ZNF362: variants seen among roughly 807,000 people sequenced by gnomAD.
The protein encoded by ZNF362 is rotund homolog.
In ZNF362, 11 loss-of-function variants were observed where a neutral mutation model predicts 42.9. That is an observed-to-expected ratio of 0.26 (90% confidence interval 0.16 to 0.42). The LOEUF (loss-of-function observed/expected upper bound fraction) is 0.42, where lower values mean the gene tolerates loss of function less well. Among genes scored for constraint, ZNF362 ranks in the 20% least tolerant of loss-of-function variants. The pLI is 1.00. For missense variants in ZNF362, 362 were observed against 576.2 expected (o/e 0.63, Z 3.81); for synonymous variants, 255 against 257.3 (o/e 0.99, Z 0.09).
rs1231368195 is a variant in ZNF362 at position 33,299,659 on chromosome 1, G to C, written c.*613G>C. On this transcript the variant is annotated 3_prime_UTR_variant, in exon 9 of 9. Coordinates refer to ENST00000539719, the MANE Select transcript of ZNF362 (RefSeq NM_152493.3). ...CATCACTGAGCAGAGGGGTGCGGCA[G>C]CTTCAGGAGGCAGAAACGAGAGGGG... The C allele has an allele frequency of 6.5e-6, 1 of 152,870 alleles. No homozygotes were observed. The highest frequency in any genetic ancestry group is 1.5e-5 in the Non-Finnish European group (1 of 68,260). The allele number at this position is 152,870 out of a possible 1,614,324, so 9.5% of individuals were successfully genotyped here.
rs369196006 is a variant in ZNF362 at position 33,281,844 on chromosome 1, C to G, written c.908+33C>G. The G allele has an allele frequency of 3.7e-6, 6 of 1,604,568 alleles. No individual in the cohort carries two copies. The highest frequency in any genetic ancestry group is 5.1e-6 in the Non-Finnish European group (6 of 1,172,326). On this transcript the variant is annotated intron_variant, in intron 6 of 8. Transcript: ENST00000539719. This position sits in a 1 kb window ranked among gnomAD's most constrained non-coding sequence, Gnocchi z 4.8. ...GCCTGCCTGCTGCCCTGCTGCAGCC[C>G]GACTCAGCTCAGCACCCGTGGCCTG...
chr1:33,238,046 C>G, the ZNF362 span, among the ~76,000 whole-genome samples: 1 of 152,142 alleles, frequency 6.6e-6, no homozygotes, highest in Admixed American at 6.5e-5. Flanking sequence ...TGACTGGGTG[C>G]AGTGGCTCAC....
the ZNF362 span, among the ~76,000 whole-genome samples, chr1:33,186,160 AC>A: frequency 3.9e-5 from 6 of 152,118 alleles, no homozygotes; most frequent in Non-Finnish European, 8.8e-5. Context: ...ATCTTGACTT[AC>A]CCACACATAT....
At chr1:33,246,950 A>T in the ZNF362 span, among the ~76,000 whole-genome samples, 21 of 152,194 alleles carry the variant, frequency 1.4e-4, no homozygotes, top group African/African-American at 4.8e-4. Flanking sequence ...TTGGTGCTCT[A>T]TGTTCCTTAC....
At chr1:33,175,121 C>A in the ZNF362 span, among the ~76,000 whole-genome samples, 1 of 151,828 alleles carries the variant, frequency 6.6e-6, no homozygotes, top group East Asian at 1.9e-4. Context: ...CTCACTGCAA[C>A]CTCTGCCTCC....
chr1:33,225,233 A>G, the ZNF362 span, among the ~76,000 whole-genome samples: 2 of 152,118 alleles, frequency 1.3e-5, no homozygotes, highest in African/African-American at 2.4e-5. Flanking sequence ...CACCATTCCA[A>G]TGAGGCCTAC....
intron 1 of ZNF362, among the ~76,000 whole-genome samples, chr1:33,268,886 A>G (rs1645882209): frequency 6.6e-6 from 1 of 152,186 alleles, no homozygotes; most frequent in Non-Finnish European, 1.5e-5. Context: ...TTATTTTATT[A>G]AAATCACAGT....
chr1:33,181,473 G>C, the ZNF362 span: 1 of 1,540,546 alleles, frequency 6.5e-7, no homozygotes, highest in Non-Finnish European at 8.7e-7. The surrounding 1 kb of genome is among the most constrained non-coding windows in gnomAD (Gnocchi z 6.5). Flanking sequence ...AGGGGCAGGG[G>C]GGCGGCTGAG....
At chr1:33,222,027 G>C in the ZNF362 span, among the ~76,000 whole-genome samples, 1 of 152,178 alleles carries the variant, frequency 6.6e-6, no homozygotes, top group Non-Finnish European at 1.5e-5. Flanking sequence ...GGTAGTATGT[G>C]TGTTCTGAGG....
chr1:33,239,589 G>T, the ZNF362 span, among the ~76,000 whole-genome samples: 1 of 152,160 alleles, frequency 6.6e-6, no homozygotes, highest in Admixed American at 6.5e-5. Context: ...GGAGAAGCAG[G>T]CGCCTGCTTC....
chr1:33,278,343 A>G (rs1391384610), intron 4 of ZNF362, among the ~76,000 whole-genome samples: 2 of 152,188 alleles, frequency 1.3e-5, no homozygotes, highest in East Asian at 1.9e-4. Flanking sequence ...TCATAAACAT[A>G]TATGTTCCAC....
At chr1:33,181,199 G>C in the ZNF362 span, 2 of 1,588,732 alleles carry the variant, frequency 1.3e-6, no homozygotes, top group Non-Finnish European at 8.5e-7. The surrounding 1 kb of genome is among the most constrained non-coding windows in gnomAD (Gnocchi z 6.5). Context: ...CGTCCAGCGG[G>C]AAGGAGCTGT....
At chr1:33,202,997 AC>A in the ZNF362 span, among the ~76,000 whole-genome samples, 1 of 152,122 alleles carries the variant, frequency 6.6e-6, no homozygotes, top group East Asian at 1.9e-4. Context: ...TGGGAATACC[AC>A]CTAAAATCCA....
chr1:33,273,156 G>A (rs2148087905), intron 2 of ZNF362, among the ~76,000 whole-genome samples: 1 of 152,340 alleles, frequency 6.6e-6, no homozygotes, highest in South Asian at 2.1e-4. Flanking sequence ...TGAGCACCTA[G>A]CAGTGTGTCT....
chr1:33,160,336 T>C, the ZNF362 span, among the ~76,000 whole-genome samples: 4 of 151,752 alleles, frequency 2.6e-5, no homozygotes, highest in Non-Finnish European at 5.9e-5. Flanking sequence ...GGAGCTGGAG[T>C]GAGGGCTAGG....
intron 1 of ZNF362, among the ~76,000 whole-genome samples, chr1:33,262,440 G>A (rs1645835048): frequency 6.6e-6 from 1 of 151,726 alleles, no homozygotes; most frequent in East Asian, 1.9e-4. Flanking sequence ...CCGAGTAGCT[G>A]GGACTACAGG....
chr1:33,218,733 T>G, the ZNF362 span, among the ~76,000 whole-genome samples: 1 of 152,172 alleles, frequency 6.6e-6, no homozygotes, highest in South Asian at 2.1e-4. Context: ...CTTATTGCTT[T>G]TTAAGAACTC....
chr1:33,155,024 C>T, the ZNF362 span, among the ~76,000 whole-genome samples: 1 of 147,770 alleles, frequency 6.8e-6, no homozygotes, highest in African/African-American at 2.5e-5. Flanking sequence ...ACCCGGGAGG[C>T]AGACCTTGCA....
chr1:33,278,956 ATTTC>A (rs762131195), intron 4 of ZNF362, among the ~76,000 whole-genome samples: 4 of 152,194 alleles, frequency 2.6e-5, no homozygotes. Flanking sequence ...ATGTGGGAAT[ATTTC>A]TTTATTGTAA....
Sources: allele counts gnomAD v4.1 joint callset (sites outside exome capture counted in the v4.1 genomes callset), GRCh38; gene constraint gnomAD v4.1.1; non-coding constraint Gnocchi (gnomAD v3.1); transcripts MANE v1.5; gene names NCBI Gene and HGNC (gene_info 2026-07-23, HGNC 2026-07-21).